NCKAP5: variants seen among roughly 807,000 people sequenced by gnomAD.
NCKAP5 encodes the protein nck-associated protein 5.
A neutral mutation model predicts 167.0 loss-of-function variants in NCKAP5; 92 were observed. That is an observed-to-expected ratio of 0.55 (90% confidence interval 0.47 to 0.66). NCKAP5 has a LOEUF of 0.66. Among genes scored for constraint, NCKAP5 ranks in the 30% least tolerant of loss-of-function variants. The pLI, the probability that NCKAP5 is intolerant of heterozygous loss-of-function variation, is 0.00. For synonymous variants in NCKAP5, 891 were observed against 877.4 expected, an observed-to-expected ratio of 1.02 and a Z score of -0.27; for missense variants, 2,378 against 2,315.0, an observed-to-expected ratio of 1.03 and a Z score of -0.56.
chr2:132,827,473 A>G (rs1319662509), intron 11 of NCKAP5, among the ~76,000 whole-genome samples: 1 of 152,220 alleles, frequency 6.6e-6, no homozygotes, highest in African/African-American at 2.4e-5. Context: ...CATATAATGT[A>G]CAGTGATCAT....
At chr2:132,706,774 T>C (rs1316931128) in intron 19 of NCKAP5, among the ~76,000 whole-genome samples, 1 of 151,986 alleles carries the variant, frequency 6.6e-6, no homozygotes, top group Admixed American at 6.6e-5. Context: ...AAAGAATGAA[T>C]AAGTAATGTG....
the NCKAP5 span, among the ~76,000 whole-genome samples, chr2:133,667,741 T>G: frequency 6.6e-6 from 1 of 152,086 alleles, no homozygotes; most frequent in Non-Finnish European, 1.5e-5. Flanking sequence ...ATATGTCCAA[T>G]TAACTAGTTT....
At chr2:133,153,831 T>A in intron 5 of NCKAP5, among the ~76,000 whole-genome samples, 1 of 133,498 alleles carries the variant, frequency 7.5e-6, no homozygotes, top group Non-Finnish European at 1.6e-5. Flanking sequence ...TAGTTCCTCC[T>A]TCTTTTTTTT....
chr2:133,348,136 T>C (rs1213052369), intron 3 of NCKAP5, among the ~76,000 whole-genome samples: 1 of 152,146 alleles, frequency 6.6e-6, no homozygotes, highest in Non-Finnish European at 1.5e-5. Flanking sequence ...ATTACCGCAA[T>C]ATGCTTACAC....
chr2:132,900,965 C>CAAA (rs1421394476), intron 8 of NCKAP5, among the ~76,000 whole-genome samples: 3 of 31,632 alleles, frequency 9.5e-5, no homozygotes, highest in African/African-American at 1.2e-4. Context: ...GACTCTGTCT[C>CAAA]AAAAAAAAAA....
intron 2 of NCKAP5, among the ~76,000 whole-genome samples, chr2:133,521,422 C>CT (rs1423828354): frequency 6.6e-6 from 1 of 152,220 alleles, no homozygotes; most frequent in Non-Finnish European, 1.5e-5. Flanking sequence ...ACATCTTACT[C>CT]TTTATATTTA....
intron 4 of NCKAP5, among the ~76,000 whole-genome samples, chr2:133,262,004 T>C (rs1246093493): frequency 1.3e-5 from 2 of 152,214 alleles, no homozygotes; most frequent in Non-Finnish European, 2.9e-5. Context: ...AAATAGCCAG[T>C]CTCATCCAGT....
chr2:133,671,411 G>A, the NCKAP5 span, among the ~76,000 whole-genome samples: 64 of 152,198 alleles, frequency 4.2e-4, no homozygotes, highest in African/African-American at 1.3e-3. Flanking sequence ...CCTTTAAGAG[G>A]TGATTGAGTG....
At chr2:133,030,220 C>A (rs1187406025) in intron 6 of NCKAP5, among the ~76,000 whole-genome samples, 1 of 152,150 alleles carries the variant, frequency 6.6e-6, no homozygotes, top group Non-Finnish European at 1.5e-5. Context: ...ATGGGAATGA[C>A]CTTGGGGGTC....
chr2:133,658,396 G>T, the NCKAP5 span, among the ~76,000 whole-genome samples: 10 of 152,116 alleles, frequency 6.6e-5, no homozygotes, highest in Non-Finnish European at 1.2e-4. Context: ...AGGAAAACAG[G>T]TCATGTGAAA....
chr2:132,872,930 G>T (rs1333374984), intron 9 of NCKAP5, among the ~76,000 whole-genome samples: 1 of 151,962 alleles, frequency 6.6e-6, no homozygotes, highest in Admixed American at 6.6e-5. Context: ...CATAAAATAG[G>T]GGAGCTGCCT....
chr2:133,052,294 C>T (rs561187566), intron 6 of NCKAP5, among the ~76,000 whole-genome samples: 3 of 152,208 alleles, frequency 2.0e-5, no homozygotes, highest in East Asian at 3.9e-4. Context: ...GGAGCTAGTC[C>T]GCAGCTACCA....
At chr2:133,620,131 C>T in the NCKAP5 span, among the ~76,000 whole-genome samples, 1 of 151,726 alleles carries the variant, frequency 6.6e-6, no homozygotes, top group African/African-American at 2.4e-5. Context: ...CAAAACAGAA[C>T]CTCCTTGAAA....
At chr2:133,265,120 T>A (rs2089126112) in intron 4 of NCKAP5, 1 of 152,196 alleles carries the variant, frequency 6.6e-6, no homozygotes, top group South Asian at 2.1e-4. Flanking sequence ...TTTGCAGGAA[T>A]AGTTCTGGTT....
At chr2:133,281,150 T>C (rs2089920355) in intron 4 of NCKAP5, among the ~76,000 whole-genome samples, 1 of 152,220 alleles carries the variant, frequency 6.6e-6, no homozygotes, top group Non-Finnish European at 1.5e-5. Flanking sequence ...GAAGTGATTT[T>C]AGCTAATTAA....
chr2:133,336,471 A>G (rs138455546), intron 3 of NCKAP5, among the ~76,000 whole-genome samples: 1 of 152,292 alleles, frequency 6.6e-6, no homozygotes, highest in Admixed American at 6.5e-5. Flanking sequence ...GCCCTTTGGC[A>G]CAAATGTCTT....
Position 132,783,250 on chromosome 2 carries a change from C to T in NCKAP5, c.3561G>A (p.Lys1187=), listed in dbSNP as rs1421175204. The T allele has an allele frequency of 6.2e-7, 1 of 1,613,996 alleles. No homozygotes were observed. Among genetic ancestry groups the T allele is most frequent in the Non-Finnish European group, 8.5e-7 (1 of 1,179,900 alleles). The change falls in exon 14 of 20, where the codon AAG becomes AAA. Residue 1187 remains lysine, a synonymous_variant. Coordinates refer to ENST00000409261, the MANE Select transcript of NCKAP5 (RefSeq NM_207363.3). ...GATTCTTGGAGTCCTCTGGCTTAGA[C>T]TTGTTCACAGCCACGGAACTTTTGG... ...EASKSSVAVN[K]SKPEDSKNPA...
the NCKAP5 span, among the ~76,000 whole-genome samples, chr2:133,606,268 A>C: frequency 1.3e-5 from 2 of 152,218 alleles, no homozygotes; most frequent in African/African-American, 4.8e-5. Flanking sequence ...TATCTCAGGA[A>C]TTCATAAGAA....
the NCKAP5 span, among the ~76,000 whole-genome samples, chr2:133,580,651 CA>C: frequency 2.6e-5 from 4 of 152,078 alleles, no homozygotes; most frequent in Non-Finnish European, 5.9e-5. Context: ...GGTTTATTCC[CA>C]AGACAAATTA....
Sources: allele counts gnomAD v4.1 joint callset (sites outside exome capture counted in the v4.1 genomes callset), GRCh38; gene constraint gnomAD v4.1.1; transcripts MANE v1.5; gene names NCBI Gene and HGNC (gene_info 2026-07-23, HGNC 2026-07-21).